CPEB1: variants seen among roughly 807,000 people sequenced by gnomAD.
CPEB1 encodes the protein cytoplasmic polyadenylation element binding protein 1, also known as cytoplasmic polyadenylation element-binding protein 1.
In CPEB1, 7 loss-of-function variants were observed where a neutral mutation model predicts 65.8. The ratio of observed to expected loss-of-function variants is 0.11; its 90% CI spans 0.06 to 0.20. The LOEUF is 0.20. Among genes scored for constraint, CPEB1 ranks in the 10% least tolerant of loss-of-function variants. The pLI is 1.00. For missense variants in CPEB1, 551 were observed against 712.2 expected (o/e 0.77, Z 2.58); for synonymous variants, 262 against 260.0 (o/e 1.01, Z -0.08).
At chr15:82,594,725 C>T (rs575397938) in intron 3 of CPEB1, among the ~76,000 whole-genome samples, 1 of 152,304 alleles carries the variant, frequency 6.6e-6, no homozygotes, top group East Asian at 1.9e-4. Context: ...CCTCACTAAG[C>T]TTCATCATTT....
At chr15:82,603,287 T>C (rs952586773) in intron 3 of CPEB1, among the ~76,000 whole-genome samples, 2 of 151,954 alleles carry the variant, frequency 1.3e-5, no homozygotes, top group South Asian at 2.1e-4. Context: ...GTCCCACTTA[T>C]GTGGTTGTAT....
intron 3 of CPEB1, among the ~76,000 whole-genome samples, chr15:82,623,755 T>C (rs1268042867): frequency 6.6e-6 from 1 of 152,226 alleles, no homozygotes; most frequent in Non-Finnish European, 1.5e-5. Context: ...AGTGTTTTTC[T>C]ATGCATATAT....
chr15:82,563,992 A>G (rs1467919114), intron 4 of CPEB1, among the ~76,000 whole-genome samples: 6 of 152,206 alleles, frequency 3.9e-5, no homozygotes, highest in African/African-American at 1.4e-4. Context: ...AGTCTCTATT[A>G]GAAGAAATAA....
At chr15:82,607,074 A>G (rs2043683532) in intron 3 of CPEB1, among the ~76,000 whole-genome samples, 1 of 152,166 alleles carries the variant, frequency 6.6e-6, no homozygotes, top group African/African-American at 2.4e-5. Flanking sequence ...ATACTAGAAA[A>G]TATCTTAACA....
At chr15:82,589,889 T>C (rs1448303036) in intron 3 of CPEB1, among the ~76,000 whole-genome samples, 1 of 152,168 alleles carries the variant, frequency 6.6e-6, no homozygotes, top group Non-Finnish European at 1.5e-5. Flanking sequence ...TTACACTGCA[T>C]TAGGTATAAG....
At chr15:82,620,281 C>T (rs1471644970) in intron 3 of CPEB1, among the ~76,000 whole-genome samples, 3 of 151,950 alleles carry the variant, frequency 2.0e-5, no homozygotes, top group African/African-American at 7.3e-5. Context: ...AAAAATTAGC[C>T]GGGTGTGGTG....
rs190213989 is a variant in CPEB1, at chr15:82,578,982, C to T, written c.272-7450G>A. 3.3e-5 allele frequency among the ~76,000 whole-genome samples: 5 copies of T among 152,198 alleles called. No homozygotes were observed. The East Asian group carries it at 9.7e-4, about 29-fold the overall frequency. On this transcript the variant is annotated intron_variant, in intron 3 of 12. Transcript: ENST00000684509. The stretch of plus-strand genomic sequence containing the variant: ...GGGATTATACACATGCACCACCACG[C>T]CCAGCTAATTTTTGAACTTTAGTAG...
chr15:82,635,196 T>C (rs1596139258), intron 1 of CPEB1, among the ~76,000 whole-genome samples: 1 of 152,182 alleles, frequency 6.6e-6, no homozygotes, highest in East Asian at 1.9e-4. Flanking sequence ...ACAAAATTTC[T>C]ATAGCACGGA....
At chr15:82,548,596 G>A (rs2035693140) in intron 10 of CPEB1, 7 of 375,884 alleles carry the variant, frequency 1.9e-5, no homozygotes, top group African/African-American at 1.5e-4. Context: ...TGGAAGCCAA[G>A]ATGCAGATAG....
Position 82,550,915 on chromosome 15 carries a change from T to C in CPEB1, c.1282-1257A>G, listed in dbSNP as rs1027246890. Reference sequence around the variant, plus strand: ...GAATCAAAGAAAGATTAAATCCCTGTAAGGTGATGGGAGGGAATGGGAGAC... The same window carrying C: ...GAATCAAAGAAAGATTAAATCCCTGCAAGGTGATGGGAGGGAATGGGAGAC... On this transcript the variant is annotated intron_variant, in intron 9 of 12. Coordinates refer to ENST00000684509, the MANE Select transcript of CPEB1 (RefSeq NM_001365242.1). Among the ~76,000 whole-genome samples, 8 of 65,110 alleles carry C rather than the reference T, an allele frequency of 1.2e-4. No homozygotes were observed. In the African/African-American group the frequency reaches 1.3e-3, roughly 11 times the overall value. 42.7% of individuals were successfully genotyped at this position (65,110 alleles called of 152,430 possible).
intron 1 of CPEB1, chr15:82,640,944 T>G (rs1318985086): frequency 2.7e-5 from 4 of 148,244 alleles, no homozygotes; most frequent in African/African-American, 9.9e-5. Context: ...ACAAACCAAA[T>G]GGACATTTCA....
intron 4 of CPEB1, 103 bp from the exon 5 acceptor site, chr15:82,558,089 G>A: frequency 1.3e-6 from 1 of 768,196 alleles, no homozygotes. Flanking sequence ...CCAAAGGCAA[G>A]ACAACTAAAA....
At chr15:82,568,945 T>C (rs2039588325) in intron 4 of CPEB1, among the ~76,000 whole-genome samples, 1 of 152,230 alleles carries the variant, frequency 6.6e-6, no homozygotes, top group African/African-American at 2.4e-5. Flanking sequence ...ATGCCATAGC[T>C]GCCTTGGGCA....
chr15:82,604,188 A>G (rs1048097501), intron 3 of CPEB1, among the ~76,000 whole-genome samples: 39 of 152,312 alleles, frequency 2.6e-4, no homozygotes, highest in Non-Finnish European at 3.7e-4. Flanking sequence ...ATTGCTACAA[A>G]AAACAAAACA....
chr15:82,549,155 T>C (rs1277790379), intron 10 of CPEB1, among the ~76,000 whole-genome samples: 1 of 152,240 alleles, frequency 6.6e-6, no homozygotes, highest in East Asian at 1.9e-4. Flanking sequence ...CTGTTGTCTG[T>C]TCCAAACTGG....
chr15:82,547,392 T>G (rs2035441544), intron 10 of CPEB1, among the ~76,000 whole-genome samples, 155 bp from the exon 11 acceptor site: 1 of 148,522 alleles, frequency 6.7e-6, no homozygotes, highest in Non-Finnish European at 1.5e-5. Context: ...TGCCTCCCGG[T>G]TTCACGCCAT....
At chr15:82,584,922 T>TTTTTTTTTTA (rs2041655554) in intron 3 of CPEB1, among the ~76,000 whole-genome samples, 3 of 143,318 alleles carry the variant, frequency 2.1e-5, no homozygotes, top group African/African-American at 5.1e-5. Context: ...TTTTTTTTTT[T>TTTTTTTTTTA]ACAGTGAACA....
chr15:82,627,059 C>T, intron 3 of CPEB1, 134 bp downstream of exon 3: 2 of 664,300 alleles, frequency 3.0e-6, no homozygotes, highest in South Asian at 3.7e-5. Context: ...TAAACTAAAC[C>T]ACAAAAAGGC....
chr15:82,544,755 C>T (rs1184843041), intron 12 of CPEB1, 53 bp from the exon 13 acceptor site: 3 of 1,369,994 alleles, frequency 2.2e-6, no homozygotes, highest in African/African-American at 2.8e-5. Flanking sequence ...GCACCAGACA[C>T]AGGAGCTGTT....
Sources: gnomAD v4.1 joint callset for allele counts (sites outside exome capture counted in the v4.1 genomes callset) on GRCh38, gnomAD v4.1.1 for gene constraint, MANE v1.5 for transcripts, NCBI Gene and HGNC (gene_info 2026-07-23, HGNC 2026-07-21) for gene names.